The following AGBL1 variants were observed in gnomAD, a reference collection of about 807,000 sequenced individuals.
AGBL1 encodes the protein cytosolic carboxypeptidase 4.
Under a neutral mutation model 118.9 loss-of-function variants are expected in AGBL1, and 130 were observed. The observed-to-expected ratio is 1.09, with a 90% CI of 0.95 to 1.26. The LOEUF (loss-of-function observed/expected upper bound fraction) is 1.26. Ranked by LOEUF, AGBL1 falls within the 50% of genes most tolerant of loss-of-function variation. AGBL1 has a pLI of 0.00. For missense variants in AGBL1, 1,584 were observed against 1,298.1 expected (o/e 1.22, Z -3.38); for synonymous variants, 555 against 478.9 (o/e 1.16, Z -2.08).
At chr15:86,885,438 T>A (rs1219121934) in intron 22 of AGBL1, among the ~76,000 whole-genome samples, 1 of 152,130 alleles carries the variant, frequency 6.6e-6, no homozygotes, top group Non-Finnish European at 1.5e-5. Context: ...TCTAAATACT[T>A]CACAACTATT....
At chr15:86,809,660 G>T (rs2078762268) in intron 22 of AGBL1, among the ~76,000 whole-genome samples, 1 of 152,190 alleles carries the variant, frequency 6.6e-6, no homozygotes, top group African/African-American at 2.4e-5. Context: ...ATTAAGGGAA[G>T]AATGTGTCAA....
At chr15:86,085,296 G>T (rs75040234) in intron 1 of AGBL1, among the ~76,000 whole-genome samples, 2,010 of 152,204 alleles carry the variant, frequency 0.013, 30 homozygotes, top group South Asian at 0.074. Flanking sequence ...ATCTTCCCCC[G>T]GTCATGGCGG....
chr15:86,763,103 G>A (rs2078048975), intron 22 of AGBL1, among the ~76,000 whole-genome samples: 1 of 151,990 alleles, frequency 6.6e-6, no homozygotes, highest in African/African-American at 2.4e-5. Context: ...ATTACTGTAA[G>A]TGCATTTTTG....
intron 17 of AGBL1, among the ~76,000 whole-genome samples, chr15:86,373,935 C>A (rs902278584): frequency 1.3e-5 from 2 of 152,136 alleles, no homozygotes; most frequent in Non-Finnish European, 2.9e-5. Flanking sequence ...TGTATAGTAG[C>A]TATTACTAAC....
At chr15:86,543,071 T>C (rs904784697) in intron 19 of AGBL1, among the ~76,000 whole-genome samples, 2 of 152,216 alleles carry the variant, frequency 1.3e-5, no homozygotes, top group African/African-American at 2.4e-5. Flanking sequence ...TTTTCTATTT[T>C]TTCATGTGTT....
intron 22 of AGBL1, among the ~76,000 whole-genome samples, chr15:86,700,064 G>T (rs1428539345): frequency 3.3e-5 from 5 of 151,744 alleles, no homozygotes; most frequent in Admixed American, 3.3e-4. Context: ...ATTTCATTAT[G>T]TATTTATTTA....
At chr15:86,622,667 G>A (rs924142460) in intron 21 of AGBL1, among the ~76,000 whole-genome samples, 5 of 152,222 alleles carry the variant, frequency 3.3e-5, no homozygotes, top group African/African-American at 4.8e-5. Flanking sequence ...GGGGACACAC[G>A]TTCTAGACCA....
intron 1 of AGBL1, among the ~76,000 whole-genome samples, chr15:86,110,826 G>A (rs1179995881): frequency 6.6e-6 from 1 of 152,200 alleles, no homozygotes; most frequent in Non-Finnish European, 1.5e-5. Context: ...GGCAGATGGG[G>A]AAGAGCCAGA....
chr15:86,404,639 T>C (rs192200028), intron 18 of AGBL1, among the ~76,000 whole-genome samples: 1 of 152,334 alleles, frequency 6.6e-6, no homozygotes, highest in African/African-American at 2.4e-5. Context: ...CAAGTAAGAA[T>C]GGAAGATACT....
At chr15:86,287,020 A>AT (rs1226979933) in intron 16 of AGBL1, among the ~76,000 whole-genome samples, 1 of 152,018 alleles carries the variant, frequency 6.6e-6, no homozygotes, top group Non-Finnish European at 1.5e-5. Context: ...ACTTGCTATC[A>AT]TTCATCTTTT....
intron 21 of AGBL1, among the ~76,000 whole-genome samples, chr15:86,636,353 C>G (rs2085082800): frequency 6.6e-6 from 1 of 152,014 alleles, no homozygotes; most frequent in African/African-American, 2.4e-5. Flanking sequence ...CAAAGAAGTC[C>G]ATTTTCACCG....
intron 15 of AGBL1, among the ~76,000 whole-genome samples, chr15:86,275,035 C>G (rs910489671): frequency 6.6e-6 from 1 of 152,076 alleles, no homozygotes; most frequent in African/African-American, 2.4e-5. Flanking sequence ...TTTTCCCTGC[C>G]TCTCGTAAAA....
chr15:86,571,424 C>G (rs2084004687), intron 21 of AGBL1, among the ~76,000 whole-genome samples: 1 of 152,116 alleles, frequency 6.6e-6, no homozygotes, highest in South Asian at 2.1e-4. Context: ...AATGGAATAG[C>G]TCAGAGGGCC....
chr15:86,278,254 A>G (rs567428740), intron 15 of AGBL1, among the ~76,000 whole-genome samples: 1 of 152,282 alleles, frequency 6.6e-6, no homozygotes, highest in East Asian at 1.9e-4. Flanking sequence ...AACGGATTCT[A>G]TTAATACAAT....
chr15:86,948,839 A>G (rs1477621199), intron 23 of AGBL1, among the ~76,000 whole-genome samples: 2 of 152,264 alleles, frequency 1.3e-5, no homozygotes, highest in East Asian at 3.8e-4. Flanking sequence ...TGTTTAATAC[A>G]CTAGCATAAC....
At chr15:86,698,627 A>ATTT (rs1567128153) in intron 22 of AGBL1, among the ~76,000 whole-genome samples, 2 of 149,522 alleles carry the variant, frequency 1.3e-5, no homozygotes, top group African/African-American at 4.9e-5. Flanking sequence ...TTTTTTTTTA[A>ATTT]AAAGAGACCA....
At chr15:86,837,125 T>A (rs1176444248) in intron 22 of AGBL1, among the ~76,000 whole-genome samples, 2 of 152,052 alleles carry the variant, frequency 1.3e-5, no homozygotes, top group Non-Finnish European at 2.9e-5. Context: ...TAAATATTCT[T>A]AGCGCATTTC....
chr15:86,468,070 G>T (rs1354625943), intron 18 of AGBL1, among the ~76,000 whole-genome samples: 1 of 151,926 alleles, frequency 6.6e-6, no homozygotes, highest in Non-Finnish European at 1.5e-5. Flanking sequence ...AAATCATTTT[G>T]TCCCTACTCC....
intron 1 of AGBL1, among the ~76,000 whole-genome samples, chr15:86,095,345 G>A (rs1227893737): frequency 6.6e-6 from 1 of 152,136 alleles, no homozygotes; most frequent in Non-Finnish European, 1.5e-5. Context: ...AGGTGAGGCT[G>A]AAAGTTCCAA....
Sources: gnomAD v4.1 joint callset for allele counts (sites outside exome capture counted in the v4.1 genomes callset) on GRCh38, gnomAD v4.1.1 for gene constraint, MANE v1.5 for transcripts, NCBI Gene and HGNC (gene_info 2026-07-23, HGNC 2026-07-21) for gene names.